The following SPIDR variants were observed in gnomAD, a reference collection of about 807,000 sequenced individuals.
SPIDR encodes DNA repair-scaffolding protein.
In SPIDR, 93 loss-of-function variants were observed where a neutral mutation model predicts 104.6. The observed-to-expected ratio is 0.89, with a 90% confidence interval of 0.75 to 1.06. SPIDR has a LOEUF of 1.06. Among genes scored for constraint, SPIDR ranks in the 50% least tolerant of loss-of-function variants. SPIDR has a pLI of 0.00. For synonymous variants in SPIDR, 431 were observed against 416.9 expected (o/e 1.03, Z -0.41); for missense variants, 1,154 against 1,111.2 (o/e 1.04, Z -0.55).
chr8:47,589,735 C>T (rs1038202990), intron 8 of SPIDR, among the ~76,000 whole-genome samples: 1 of 151,982 alleles, frequency 6.6e-6, no homozygotes, highest in East Asian at 1.9e-4. Flanking sequence ...TGACAGCCTC[C>T]GTCTTATTCT....
intron 14 of SPIDR, among the ~76,000 whole-genome samples, chr8:47,711,815 C>A (rs1458777389): frequency 6.6e-6 from 1 of 152,170 alleles, no homozygotes; most frequent in Non-Finnish European, 1.5e-5. Flanking sequence ...TCATTTTCCT[C>A]AATATTACTT....
intron 10 of SPIDR, among the ~76,000 whole-genome samples, chr8:47,645,618 T>C (rs77543419): frequency 0.026 from 3,906 of 152,284 alleles, 123 homozygotes; most frequent in East Asian, 0.084. Flanking sequence ...CAGAAATTAA[T>C]GAAAGCCACT....
chr8:47,331,660 A>T (rs1227465002), intron 5 of SPIDR, among the ~76,000 whole-genome samples: 3 of 152,220 alleles, frequency 2.0e-5, no homozygotes, highest in Non-Finnish European at 4.4e-5. Flanking sequence ...CTTTATAAAC[A>T]TAGTACACTT....
intron 7 of SPIDR, among the ~76,000 whole-genome samples, chr8:47,425,413 C>T (rs569115532): frequency 8.5e-5 from 13 of 152,056 alleles, no homozygotes; most frequent in Non-Finnish European, 1.8e-4. Flanking sequence ...GAGAGAAAAT[C>T]GGGACAGGTT....
At chr8:47,348,384 T>A (rs1296606786) in intron 5 of SPIDR, among the ~76,000 whole-genome samples, 1 of 152,212 alleles carries the variant, frequency 6.6e-6, no homozygotes, top group Non-Finnish European at 1.5e-5. Flanking sequence ...CTTAACATTT[T>A]TTCCTTCATT....
intron 7 of SPIDR, among the ~76,000 whole-genome samples, chr8:47,408,226 C>CTTA (rs2063021606): frequency 6.6e-6 from 1 of 152,022 alleles, no homozygotes; most frequent in Non-Finnish European, 1.5e-5. Flanking sequence ...TTGTTCTATT[C>CTTA]TTATCATTAA....
In SPIDR at chr8:47,386,906, TATAGATATAGATATAG is replaced by T. The variant is rs1227488375; in HGVS notation, c.526-9466_526-9451del. ...AGAGAGAGAGAAAGAGAGAGAGAGA[TATAGATATAGATATAG>T]ATATAGATATAGATATAGATATAGA... is the stretch of plus-strand genomic sequence containing the variant. On this transcript the variant is annotated intron_variant, in intron 5 of 19. Transcript: ENST00000297423. Among the ~76,000 whole-genome samples the T allele has an allele frequency of 1.2e-3, 39 of 31,700 alleles. 1 individual carries two copies. The highest frequency in any genetic ancestry group is 3.5e-3 in the African/African-American group (17 of 4,876). The allele number at this position is 31,700 out of a possible 152,430, so 20.8% of individuals were successfully genotyped here. A position where few individuals can be genotyped will look rare whatever the true frequency, so the allele number is the denominator to read the frequency against.
intron 8 of SPIDR, chr8:47,511,738 C>CAGACA: frequency 7.8e-7 from 1 of 1,282,886 alleles, no homozygotes; most frequent in South Asian, 1.2e-5. Context: ...GTTGGTCACT[C>CAGACA]GCTCCACAGC....
At chr8:47,375,003 C>G (rs139668013) in intron 5 of SPIDR, among the ~76,000 whole-genome samples, 1 of 151,802 alleles carries the variant, frequency 6.6e-6, no homozygotes, top group South Asian at 2.1e-4. Flanking sequence ...TGCAGTGAGC[C>G]GAGATCGCAC....
intron 8 of SPIDR, among the ~76,000 whole-genome samples, chr8:47,499,641 AT>A (rs35104582): frequency 3.3e-5 from 5 of 151,248 alleles, no homozygotes; most frequent in South Asian, 2.1e-4. Context: ...CACAGCCATA[AT>A]TTTTTTTATT....
intron 8 of SPIDR, among the ~76,000 whole-genome samples, chr8:47,578,996 A>G (rs1196029953): frequency 6.6e-6 from 1 of 152,224 alleles, no homozygotes; most frequent in African/African-American, 2.4e-5. Context: ...CTTATTTCTG[A>G]AATTATCTTT....
At chr8:47,453,656 T>G (rs2072348959) in intron 8 of SPIDR, among the ~76,000 whole-genome samples, 1 of 152,212 alleles carries the variant, frequency 6.6e-6, no homozygotes, top group South Asian at 2.1e-4. Context: ...GCTAGCCATA[T>G]GTAGAAAGCT....
intron 5 of SPIDR, among the ~76,000 whole-genome samples, chr8:47,322,109 C>T (rs550635739): frequency 9.9e-5 from 15 of 152,228 alleles, no homozygotes; most frequent in East Asian, 5.8e-4. Flanking sequence ...TCTAATTAAA[C>T]GAAAGAGCTT....
At chr8:47,592,515 C>T in intron 8 of SPIDR, 1 of 1,398,312 alleles carries the variant, frequency 7.2e-7, no homozygotes, top group South Asian at 1.2e-5. Flanking sequence ...AAATAACAGG[C>T]ATTGCTCTCA....
intron 7 of SPIDR, among the ~76,000 whole-genome samples, chr8:47,423,600 T>C (rs1240301021): frequency 6.6e-6 from 1 of 151,416 alleles, no homozygotes; most frequent in African/African-American, 2.4e-5. Context: ...AGACCCTGTC[T>C]GAAAAAAAAA....
At chr8:47,352,532 T>C (rs1483161217) in intron 5 of SPIDR, among the ~76,000 whole-genome samples, 2 of 152,068 alleles carry the variant, frequency 1.3e-5, no homozygotes, top group African/African-American at 2.4e-5. Context: ...ACATTTTTCA[T>C]TGTGGTGGAT....
chr8:47,279,841 T>C, intron 1 of SPIDR, 21 bp from the exon 2 acceptor site: 1 of 1,577,116 alleles, frequency 6.3e-7, no homozygotes. Context: ...TCGATTTTTC[T>C]TTTAAAAATC....
chr8:47,484,570 C>T (rs1006284546), intron 8 of SPIDR, among the ~76,000 whole-genome samples: 1 of 152,176 alleles, frequency 6.6e-6, no homozygotes, highest in Non-Finnish European at 1.5e-5. Context: ...GTTAGGTTTC[C>T]TGAGGCTCAG....
chr8:47,382,741 G>A (rs958581336), intron 5 of SPIDR, among the ~76,000 whole-genome samples: 4 of 152,178 alleles, frequency 2.6e-5, no homozygotes, highest in Non-Finnish European at 5.9e-5. Context: ...TAAAGAAAAA[G>A]TGATACTGTT....
Sources: gnomAD v4.1 joint callset for allele counts (sites outside exome capture counted in the v4.1 genomes callset) on GRCh38, gnomAD v4.1.1 for gene constraint, MANE v1.5 for transcripts, NCBI Gene and HGNC (gene_info 2026-07-23, HGNC 2026-07-21) for gene names.